Variants in SRCAP observed in about 807,000 individuals in gnomAD.
SRCAP encodes Snf2 related CREBBP activator protein.
In SRCAP, 46 loss-of-function variants were observed where a neutral mutation model predicts 263.1. The ratio of observed to expected loss-of-function variants is 0.17; its 90% confidence interval spans 0.14 to 0.22. The LOEUF is 0.22. SRCAP is among the 10% of genes least tolerant of loss of function. SRCAP has a pLI of 1.00. For missense variants in SRCAP, 3,695 were observed against 4,181.9 expected (o/e 0.88, Z 3.21); for synonymous variants, 1,813 against 1,662.1 (o/e 1.09, Z -2.21).
In SRCAP at chr16:30,739,240, C is replaced by T. The variant is rs763171139; in HGVS notation, c.9200C>T (p.Ala3067Val). ...EDGSRPLTRLARLRLEAEGMR... is the reference protein window; with the variant it reads ...EDGSRPLTRLVRLRLEAEGMR... Reference sequence around the variant, plus strand: ...GGAAGCCGCCCCCTCACCCGCCTGGCCCGCCTTCGGCTTGAAGCAGAAGGA... The same window carrying T: ...GGAAGCCGCCCCCTCACCCGCCTGGTCCGCCTTCGGCTTGAAGCAGAAGGA... The change falls in exon 34 of 34, where the codon GCC (alanine) becomes GTC (valine). Residue 3067 changes from alanine to valine, a missense_variant. Transcript: ENST00000262518. 2.5e-6 allele frequency: 4 copies of T among 1,613,642 alleles called. No individual in the cohort carries two copies. In the Admixed American group the frequency reaches 6.7e-5, roughly 27 times the overall value.
In SRCAP at chr16:30,733,637, A is replaced by C; in HGVS notation, c.6333A>C (p.Ile2111=). The C allele has an allele frequency of 6.2e-7, 1 of 1,614,076 alleles. No individual in the cohort carries two copies. Among genetic ancestry groups the C allele is most frequent in the Non-Finnish European group, 8.5e-7 (1 of 1,180,008 alleles). The change falls in exon 29 of 34, where the codon ATA becomes ATC. Residue 2111 remains isoleucine (I), a synonymous_variant. Coordinates refer to ENST00000262518, the MANE Select transcript of SRCAP (RefSeq NM_006662.3). This position sits in a 1 kb window ranked among gnomAD's most constrained non-coding sequence, Gnocchi z 5.3. ...LMERFNADKR[I]FCFILSTRSG... ...AACGGTTCAATGCAGACAAACGCAT[A>C]TTCTGCTTCATCCTTTCAACTCGGA...
chr16:30,731,282 T>A (rs1216995211), intron 27 of SRCAP, among the ~76,000 whole-genome samples: 1 of 152,190 alleles, frequency 6.6e-6, no homozygotes, highest in Non-Finnish European at 1.5e-5. Flanking sequence ...CAACTTGATT[T>A]ATTTTCTGGG....
chr16:30,738,937 C>T lies in SRCAP; in HGVS notation c.8897C>T (p.Thr2966Ile). ...GGGGATGGCAACTCCGAAAGTCGGA[C>T]ACAGCCACCCCCACACCCATCACCC... ...SAGDGNSESR[T>I]QPPPHPSPLT... Residue 2966 changes from threonine to isoleucine, a missense_variant, in exon 34 of 34, where the codon ACA becomes ATA. Physicochemically the swap from Thr to Ile is moderately conservative, Grantham distance 89. Transcript: ENST00000262518. The T allele has an allele frequency of 6.2e-7, 1 of 1,613,982 alleles. No homozygotes were observed. The highest frequency in any genetic ancestry group is 8.5e-7 in the Non-Finnish European group (1 of 1,179,960).
Position 30,733,317 on chromosome 16 carries a change from C to T in SRCAP, c.6165C>T (p.Leu2055=), listed in dbSNP as rs145457424. 1.2e-6 allele frequency: 2 copies of T among 1,614,082 alleles called. No homozygotes were observed. Among genetic ancestry groups the T allele is most frequent in the Non-Finnish European group, 1.7e-6 (2 of 1,180,018 alleles). Residue 2055 remains leucine (L), a synonymous_variant, in exon 28 of 34, where the codon CTC becomes CTT. Transcript: ENST00000262518. The surrounding 1 kb of genome is among the most constrained non-coding windows in gnomAD (Gnocchi z 5.3). Reference sequence around the variant, plus strand: ...CGTTGGCAGTGCTGTTGCGGCAGCTCAAGGCAGAGGGCCACCGAGTGCTCA... The same window carrying T: ...CGTTGGCAGTGCTGTTGCGGCAGCTTAAGGCAGAGGGCCACCGAGTGCTCA... The part of the protein sequence containing the change: ...LQTLAVLLRQ[L]KAEGHRVLIF...
Position 30,711,198 on chromosome 16 carries a change from T to A in SRCAP, c.1318+110T>A, listed in dbSNP as rs1015080281. The A allele has an allele frequency of 3.7e-6, 3 of 802,310 alleles. No homozygotes were observed. In the African/African-American group the frequency reaches 5.1e-5, roughly 14 times the overall value. 49.7% of individuals were successfully genotyped at this position (802,310 alleles called of 1,614,324 possible). A position where few individuals can be genotyped will look rare whatever the true frequency, so the allele number is the denominator to read the frequency against. On this transcript the variant is annotated intron_variant, in intron 10 of 33. Coordinates refer to ENST00000262518, the MANE Select transcript of SRCAP (RefSeq NM_006662.3). ...TTGTATCCACCCTGGAGGAATTCCA[T>A]GTCTAATGACTAAGACAGACTTGTA...
In SRCAP at chr16:30,740,962, G is replaced by C. The variant is rs1443039706; in HGVS notation, c.*1229G>C. The C allele has an allele frequency of 6.6e-6, 1 of 152,242 alleles. No homozygotes were observed. The highest frequency in any genetic ancestry group is 1.5e-5 in the Non-Finnish European group (1 of 68,064). The allele number at this position is 152,242 out of a possible 1,614,324, so 9.4% of individuals were successfully genotyped here. A position where few individuals can be genotyped will look rare whatever the true frequency, so the allele number is the denominator to read the frequency against. Reference sequence around the variant, plus strand: ...AGGGGAATGGTTGGAGATAAGGGTAGAAAGGTGGTTTGATGCCAGGGCCTA... The same window carrying C: ...AGGGGAATGGTTGGAGATAAGGGTACAAAGGTGGTTTGATGCCAGGGCCTA... On this transcript the variant is annotated 3_prime_UTR_variant, in exon 34 of 34. Coordinates refer to ENST00000262518, the MANE Select transcript of SRCAP (RefSeq NM_006662.3).
rs749811564 is a variant in SRCAP at position 30,729,191 on chromosome 16, C to A, written c.5884C>A (p.Pro1962Thr). ...GGCTGCCCACCGGGCTGTACTGTTT[C>A]CCCAGCAGCGACTAGACCAGCTGTC... Reference protein sequence around the residue: ...TEAAHRAVLFPQQRLDQLSEI... With the variant: ...TEAAHRAVLFTQQRLDQLSEI... Residue 1962 changes from proline (P) to threonine (T), a missense_variant, in exon 26 of 34, where the codon CCC becomes ACC. By Grantham distance (38) the Pro-to-Thr change is conservative. Coordinates refer to ENST00000262518, the MANE Select transcript of SRCAP (RefSeq NM_006662.3). 3.1e-6 allele frequency: 5 copies of A among 1,612,302 alleles called. No homozygotes were observed. Among genetic ancestry groups the A allele is most frequent in the Non-Finnish European group, 2.5e-6 (3 of 1,178,658 alleles).
chr16:30,728,850 A>G (rs1567250139), intron 25 of SRCAP, 116 bp from the exon 26 acceptor site: 3 of 1,213,284 alleles, frequency 2.5e-6, no homozygotes, highest in African/African-American at 3.0e-5. Context: ...CAAAAAGCAT[A>G]GTGTATTTTT....
Position 30,722,757 on chromosome 16 carries a change from C to G in SRCAP, c.3892+9C>G, listed in dbSNP as rs1451978455. 1 of 1,604,148 alleles carries G rather than the reference C, an allele frequency of 6.2e-7. No homozygotes were observed. The highest frequency in any genetic ancestry group is 8.5e-7 in the Non-Finnish European group (1 of 1,173,192). ...GCTTGCTGCTAACCAGGGTGAGGCT[C>G]CTGGCCTTCCTACTTAGCCCTTGCT... On this transcript the variant is annotated intron_variant, in intron 23 of 33. Coordinates refer to ENST00000262518, the MANE Select transcript of SRCAP (RefSeq NM_006662.3).
At position 30,724,222 on chromosome 16, in the gene SRCAP, CCTT is replaced by C. The variant is rs1567248186; in HGVS notation, c.4801_4803del (p.Ser1601del). 5 of 1,614,068 alleles carry C rather than the reference CCTT, an allele frequency of 3.1e-6. No homozygotes were observed. The highest frequency in any genetic ancestry group is 3.4e-6 in the Non-Finnish European group (4 of 1,179,986). On this transcript the variant is annotated inframe_deletion, in exon 25 of 34. Transcript: ENST00000262518. ...GGCTCCACAGACAGCAATTCTGGCT[CCTT>C]CTCCAGCTCCTCCTCTGGCTCCTCT...
intron 31 of SRCAP, 35 bp downstream of exon 31, chr16:30,734,650 T>A (rs1331492693): frequency 1.9e-6 from 3 of 1,613,406 alleles, no homozygotes; most frequent in Non-Finnish European, 2.5e-6. Context: ...AAAGTTGAGC[T>A]GATTCTTACA....
At chr16:30,713,178 A>C in intron 14 of SRCAP, 30 bp from the exon 15 acceptor site, 2 of 1,608,792 alleles carry the variant, frequency 1.2e-6, no homozygotes, top group Non-Finnish European at 1.7e-6. Context: ...TCATCCCACT[A>C]TCTGCTACTT....
Position 30,729,000 on chromosome 16 carries a change from C to A in SRCAP, c.5693C>A (p.Ser1898Tyr), listed in dbSNP as rs1282947099. The A allele has an allele frequency of 6.2e-7, 1 of 1,614,090 alleles. No homozygotes were observed. The highest frequency in any genetic ancestry group is 1.1e-5 in the South Asian group (1 of 91,082). ...SLEEKRKRQR[S>Y]ERLERIFQLS... is the part of the protein sequence containing the mutation. The stretch of plus-strand genomic sequence containing the variant: ...GAGGAAAAGCGGAAGCGGCAGCGGT[C>A]TGAACGCCTGGAACGGATTTTCCAA... The change falls in exon 26 of 34, where the codon TCT becomes TAT. Residue 1898 changes from serine (S) to tyrosine (Y), a missense_variant. Coordinates refer to ENST00000262518, the MANE Select transcript of SRCAP (RefSeq NM_006662.3).
chr16:30,707,430 T>C (rs1354007464), intron 5 of SRCAP, 62 bp downstream of exon 5: 1 of 1,601,868 alleles, frequency 6.2e-7, no homozygotes. Flanking sequence ...CCCGGTTTGT[T>C]GGAAGGGGAC....
intron 18 of SRCAP, among the ~76,000 whole-genome samples, 178 bp downstream of exon 18, chr16:30,716,657 A>T (rs1020828541): frequency 5.3e-5 from 8 of 152,050 alleles, no homozygotes; most frequent in Admixed American, 2.0e-4. Context: ...TATTTTTTTG[A>T]CTTCACTGTG....
rs543589462 is a variant in SRCAP, at chr16:30,716,288, C to T, written c.2631-5C>T. ...ACGTCTCATTTATTTTTCCTCTTTC[C>T]CCAGAACTAAGGAGACACTAGCCAC... On this transcript the variant is annotated splice_polypyrimidine_tract_variant and splice_region_variant and intron_variant, in intron 17 of 33. Transcript: ENST00000262518. 102 of 1,613,792 alleles carry T rather than the reference C, an allele frequency of 6.3e-5. 1 individual carries two copies. In the South Asian group the frequency reaches 1.1e-3, roughly 17 times the overall value.
Position 30,712,912 on chromosome 16 carries a change from T to A in SRCAP, c.2130+97T>A, listed in dbSNP as rs923409098. 1.5e-5 allele frequency: 21 copies of A among 1,443,674 alleles called. No individual in the cohort carries two copies. Among genetic ancestry groups the A allele is most frequent in the East Asian group, 2.5e-5 (1 of 40,348 alleles). 89.4% of individuals were successfully genotyped at this position (1,443,674 alleles called of 1,614,324 possible). A position where few individuals can be genotyped will look rare whatever the true frequency, so the allele number is the denominator to read the frequency against. Reference sequence around the variant, plus strand: ...ATTCCTTTCTCTCCTCTTTCTTTTTTAAAAAAAATTTTTTAATTTTTTGTA... The same window carrying A: ...ATTCCTTTCTCTCCTCTTTCTTTTTAAAAAAAAATTTTTTAATTTTTTGTA... On this transcript the variant is annotated intron_variant, in intron 14 of 33. Coordinates refer to ENST00000262518, the MANE Select transcript of SRCAP (RefSeq NM_006662.3).
intron 21 of SRCAP, 134 bp from the exon 22 acceptor site, chr16:30,721,988 G>C (rs2053016071): frequency 1.8e-6 from 2 of 1,124,296 alleles, no homozygotes; most frequent in Admixed American, 5.5e-5. Flanking sequence ...TGAGTTTATT[G>C]GGACATGGTA....
chr16:30,715,347 C>T (rs529601692), intron 16 of SRCAP, among the ~76,000 whole-genome samples: 4 of 152,226 alleles, frequency 2.6e-5, no homozygotes, highest in South Asian at 4.1e-4. Context: ...AGGCGGATCA[C>T]GAGGTCAGGA....
Sources: allele counts gnomAD v4.1 joint callset (sites outside exome capture counted in the v4.1 genomes callset), GRCh38; gene constraint gnomAD v4.1.1; non-coding constraint Gnocchi (gnomAD v3.1); transcripts MANE v1.5; gene names NCBI Gene and HGNC (gene_info 2026-07-23, HGNC 2026-07-21).